The following XRN2 variants were observed in gnomAD, a reference collection of about 807,000 sequenced individuals.
The protein encoded by XRN2 is 5'-3' exoribonuclease 2.
A neutral mutation model predicts 138.5 loss-of-function variants in XRN2; 44 were observed. The ratio of observed to expected loss-of-function variants is 0.32; its 90% confidence interval spans 0.25 to 0.41. XRN2 has a LOEUF of 0.41. XRN2 is among the 10% of genes least tolerant of loss of function. XRN2 has a pLI of 1.00. For synonymous variants in XRN2, 354 were observed against 369.4 expected, an observed-to-expected ratio of 0.96 and a Z score of 0.48; for missense variants, 937 against 1,169.3, an observed-to-expected ratio of 0.80 and a Z score of 2.90.
intron 1 of XRN2, among the ~76,000 whole-genome samples, chr20:21,323,766 T>C (rs2038081743): frequency 6.6e-6 from 1 of 152,196 alleles, no homozygotes; most frequent in African/African-American, 2.4e-5. Flanking sequence ...GAGCTGTGCC[T>C]TTTCTTGTGC....
At chr20:21,337,785 G>A (rs1191319902) in intron 13 of XRN2, among the ~76,000 whole-genome samples, 1 of 152,152 alleles carries the variant, frequency 6.6e-6, no homozygotes, top group Non-Finnish European at 1.5e-5. Context: ...GGGGAGTTGA[G>A]GAACAAAGAC....
At chr20:21,372,010 T>C (rs554346001) in intron 27 of XRN2, among the ~76,000 whole-genome samples, 29 of 152,262 alleles carry the variant, frequency 1.9e-4, no homozygotes, top group Non-Finnish European at 3.8e-4. Context: ...ATTTAATGTG[T>C]ACTTACAAAG....
chr20:21,345,765 A>G (rs1600696962), intron 16 of XRN2, among the ~76,000 whole-genome samples: 1 of 152,198 alleles, frequency 6.6e-6, no homozygotes, highest in African/African-American at 2.4e-5. Context: ...GTGTGTATGT[A>G]TACATAGATA....
chr20:21,384,942 A>G (rs2038922555), intron 28 of XRN2, among the ~76,000 whole-genome samples: 1 of 152,230 alleles, frequency 6.6e-6, no homozygotes, highest in Admixed American at 6.5e-5. Context: ...TTGAAAATAA[A>G]GGCCTTTCTG....
chr20:21,338,759 C>G (rs2038333417), intron 13 of XRN2, among the ~76,000 whole-genome samples: 1 of 151,956 alleles, frequency 6.6e-6, no homozygotes, highest in Non-Finnish European at 1.5e-5. Flanking sequence ...CAGGATAAAA[C>G]CAAGGGTCTT....
rs369080895 is a variant in XRN2, at chr20:21,326,257, A to G, written c.76-22A>G. 4.0e-5 allele frequency: 64 copies of G among 1,608,896 alleles called. No homozygotes were observed. The African/African-American group carries it at 6.7e-4, about 17-fold the overall frequency. ...TTTAGACTTGAACAATCAAACTACT[A>G]TTAATTATCACTTCCTCATAGCCAA... On this transcript the variant is annotated intron_variant, in intron 1 of 29. Coordinates refer to ENST00000377191, the MANE Select transcript of XRN2 (RefSeq NM_012255.5).
In XRN2 at chr20:21,329,856, GGTGTGTGT is replaced by G. The variant is rs60020864; in HGVS notation, c.428-590_428-583del. Among the ~76,000 whole-genome samples the G allele has an allele frequency of 9.6e-3, 1,407 of 145,940 alleles. 15 individuals carry two copies. Among genetic ancestry groups the G allele is most frequent in the East Asian group, 0.05 (253 of 5,014 alleles). ...TTATCAAAAAATATGGCCTCTAACT[GGTGTGTGT>G]GTGTGTGTGTGTGTGTGTGTGTGTG... On this transcript the variant is annotated intron_variant, in intron 4 of 29. Coordinates refer to ENST00000377191, the MANE Select transcript of XRN2 (RefSeq NM_012255.5).
intron 1 of XRN2, among the ~76,000 whole-genome samples, chr20:21,321,713 G>A (rs555425045): frequency 1.1e-4 from 16 of 152,186 alleles, no homozygotes; most frequent in African/African-American, 3.9e-4. Context: ...AATTTTTACA[G>A]GTTTTCTTGA....
At chr20:21,309,723 T>C (rs1296205680) in intron 1 of XRN2, among the ~76,000 whole-genome samples, 1 of 152,142 alleles carries the variant, frequency 6.6e-6, no homozygotes, top group Admixed American at 6.5e-5. Context: ...GTTATTAAAA[T>C]GTTTTCACTC....
chr20:21,314,835 A>C (rs549928771), intron 1 of XRN2, among the ~76,000 whole-genome samples: 1 of 152,296 alleles, frequency 6.6e-6, no homozygotes, highest in South Asian at 2.1e-4. Context: ...GAGTCTGAGG[A>C]GACAAGGACA....
At chr20:21,356,903 TTTTCATAATGATAC>T (rs1293283390) in intron 23 of XRN2, among the ~76,000 whole-genome samples, 3 of 152,198 alleles carry the variant, frequency 2.0e-5, no homozygotes, top group Non-Finnish European at 4.4e-5. Flanking sequence ...GTTAAAACTC[TTTTCATAATGATAC>T]TAAGATGTTA....
intron 24 of XRN2, among the ~76,000 whole-genome samples, chr20:21,364,080 C>G (rs756009613): frequency 3.9e-5 from 6 of 152,050 alleles, no homozygotes; most frequent in Non-Finnish European, 8.8e-5. Context: ...TACAGGCGCC[C>G]GCCACCACGC....
Position 21,344,133 on chromosome 20 carries a change from C to T in XRN2, c.1454C>T (p.Ser485Phe), listed in dbSNP as rs199511198. ...SPNTSFTSDG[S>F]PSPLGGIKRK... is the part of the protein sequence containing the mutation. Reference sequence around the variant, plus strand: ...AATACGAGTTTCACATCTGATGGCTCCCCGTCTCCATTAGGAGGAATTAAG... The same window carrying T: ...AATACGAGTTTCACATCTGATGGCTTCCCGTCTCCATTAGGAGGAATTAAG... Residue 485 changes from serine (S) to phenylalanine (F), a missense_variant, in exon 16 of 30, where the codon TCC becomes TTC. Physicochemically the swap from Ser to Phe is radical, Grantham distance 155. Transcript: ENST00000377191. The T allele has an allele frequency of 1.5e-5, 24 of 1,613,124 alleles. No homozygotes were observed. The highest frequency in any genetic ancestry group is 1.2e-4 in the African/African-American group (9 of 74,894).
chr20:21,317,600 G>C (rs2037977697), intron 1 of XRN2, among the ~76,000 whole-genome samples: 1 of 152,078 alleles, frequency 6.6e-6, no homozygotes, highest in Non-Finnish European at 1.5e-5. Flanking sequence ...ATATATAATG[G>C]TGTAATATTT....
intron 3 of XRN2, 113 bp from the exon 4 acceptor site, chr20:21,328,446 C>A (rs2038158457): frequency 2.0e-6 from 2 of 1,015,824 alleles, no homozygotes; most frequent in African/African-American, 1.6e-5. Context: ...ACATTACTTA[C>A]CTTTCTTCCA....
chr20:21,389,478 A>C lies in XRN2; in HGVS notation c.*140A>C. The C allele has an allele frequency of 1.4e-6, 1 of 705,820 alleles. No homozygotes were observed. The highest frequency in any genetic ancestry group is 2.9e-5 in the East Asian group (1 of 34,790). The allele number at this position is 705,820 out of a possible 1,614,324, so 43.7% of individuals were successfully genotyped here. On this transcript the variant is annotated 3_prime_UTR_variant, in exon 30 of 30. Transcript: ENST00000377191. The stretch of plus-strand genomic sequence containing the variant: ...CTTTTAACTGTGTATATTTCTACTG[A>C]TCTGATCTCACTGTTTATGTTGCTT...
At chr20:21,375,056 A>C (rs141560431) in intron 27 of XRN2, among the ~76,000 whole-genome samples, 1,442 of 92,060 alleles carry the variant, frequency 0.016, 12 homozygotes, top group Admixed American at 0.029. Flanking sequence ...TGCCCATTCT[A>C]AAATTTCAAA....
intron 1 of XRN2, among the ~76,000 whole-genome samples, chr20:21,322,119 A>C (rs982720541): frequency 2.0e-5 from 3 of 152,186 alleles, no homozygotes; most frequent in African/African-American, 7.2e-5. Context: ...GGGATACTCC[A>C]GACCTCACAA....
intron 20 of XRN2, among the ~76,000 whole-genome samples, chr20:21,350,451 G>A (rs960856012): frequency 1.4e-5 from 2 of 146,014 alleles, no homozygotes; most frequent in Admixed American, 7.1e-5. Flanking sequence ...GCGTGAACCC[G>A]GGAGGCAGAG....
Sources: gnomAD v4.1 joint callset for allele counts (sites outside exome capture counted in the v4.1 genomes callset) on GRCh38, gnomAD v4.1.1 for gene constraint, MANE v1.5 for transcripts, NCBI Gene and HGNC (gene_info 2026-07-23, HGNC 2026-07-21) for gene names.